Variants in PCOLCE2 observed in about 807,000 individuals in gnomAD.
PCOLCE2 encodes procollagen C-endopeptidase enhancer 2, also known as procollagen C-proteinase enhancer 2.
PCOLCE2 carries 42 observed loss-of-function variants against 47.0 expected under a neutral mutation model. The ratio of observed to expected loss-of-function variants is 0.89; its 90% CI spans 0.70 to 1.16. PCOLCE2 has a LOEUF of 1.16. Among genes scored for constraint, PCOLCE2 ranks in the 50% most tolerant of loss-of-function variants. The pLI, the probability that PCOLCE2 is intolerant of heterozygous loss-of-function variation, is 0.00. For missense variants in PCOLCE2, 500 were observed against 526.1 expected (o/e 0.95, Z 0.49); for synonymous variants, 169 against 191.7 (o/e 0.88, Z 0.98).
intron 2 of PCOLCE2, among the ~76,000 whole-genome samples, chr3:142,876,246 AATAAGT>A (rs1933495890): frequency 1.3e-5 from 2 of 152,228 alleles, no homozygotes; most frequent in South Asian, 2.1e-4. Flanking sequence ...ATAAGTGTTC[AATAAGT>A]ATAATATTTC....
intron 5 of PCOLCE2, among the ~76,000 whole-genome samples, chr3:142,833,007 C>A (rs1302164086): frequency 1.3e-5 from 2 of 152,208 alleles, no homozygotes; most frequent in African/African-American, 4.8e-5. Flanking sequence ...TAGCCGCCGC[C>A]AGGGCTGCCC....
At chr3:142,856,936 G>A (rs1173756866) in intron 2 of PCOLCE2, among the ~76,000 whole-genome samples, 2 of 149,814 alleles carry the variant, frequency 1.3e-5, no homozygotes, top group East Asian at 3.9e-4. Flanking sequence ...AGGGTTTACA[G>A]CAAAAATTTT....
chr3:142,865,096 C>A (rs1302777844), intron 2 of PCOLCE2, among the ~76,000 whole-genome samples: 1 of 151,852 alleles, frequency 6.6e-6, no homozygotes, highest in Non-Finnish European at 1.5e-5. Context: ...TACATTCCTA[C>A]CAGCAGTGTA....
chr3:142,845,952 T>C (rs144194311), intron 3 of PCOLCE2, among the ~76,000 whole-genome samples: 6 of 152,042 alleles, frequency 3.9e-5, no homozygotes, highest in African/African-American at 9.7e-5. Context: ...TCCAGCCTGG[T>C]CAACAAGAGT....
rs191009382 is a variant in PCOLCE2 at position 142,824,125 on chromosome 3, C to T, written c.866-510G>A. On this transcript the variant is annotated intron_variant, in intron 6 of 8. Transcript: ENST00000295992. ...TGTTACATCTGTAATTAGATGCAAC[C>T]CATCACTAAATATTTATTTTGAGCC... is the stretch of plus-strand genomic sequence containing the variant. 4.2e-3 allele frequency among the ~76,000 whole-genome samples: 634 copies of T among 152,164 alleles called. 6 individuals are homozygous for T. The highest frequency in any genetic ancestry group is 0.015 in the African/African-American group (610 of 41,504).
At chr3:142,839,576 G>A (rs1255596059) in intron 4 of PCOLCE2, among the ~76,000 whole-genome samples, 1 of 152,136 alleles carries the variant, frequency 6.6e-6, no homozygotes, top group African/African-American at 2.4e-5. Context: ...GCCTCCCAAA[G>A]TGCTGGGATT....
At chr3:142,843,447 T>C (rs865790493) in intron 3 of PCOLCE2, 1 of 359,776 alleles carries the variant, frequency 2.8e-6, no homozygotes, top group Middle Eastern at 5.3e-4. Context: ...AATTAGTTGA[T>C]ATAGACAGCT....
In PCOLCE2 at chr3:142,842,199, T is replaced by G. The variant is rs917339430; in HGVS notation, c.573+725A>C. ...GAGGCAAAGCATCCACACTTTTTTA[T>G]TTAGTCACTAGAATAACTATTATCA... is the stretch of plus-strand genomic sequence containing the variant. On this transcript the variant is annotated intron_variant, in intron 4 of 8. Coordinates refer to ENST00000295992, the MANE Select transcript of PCOLCE2 (RefSeq NM_013363.4). The surrounding 1 kb of genome is among the most constrained non-coding windows in gnomAD (Gnocchi z 4.1). Among the ~76,000 whole-genome samples the G allele has an allele frequency of 6.6e-6, 1 of 152,188 alleles. No homozygotes were observed. The highest frequency in any genetic ancestry group is 1.5e-5 in the Non-Finnish European group (1 of 68,030).
chr3:142,852,599 A>C (rs780814545), intron 2 of PCOLCE2, among the ~76,000 whole-genome samples: 63 of 151,380 alleles, frequency 4.2e-4, no homozygotes, highest in Non-Finnish European at 6.6e-4. Flanking sequence ...CTTCCTCAGA[A>C]GCAACCACTG....
chr3:142,856,423 C>T (rs1352693201), intron 2 of PCOLCE2, among the ~76,000 whole-genome samples: 1 of 152,182 alleles, frequency 6.6e-6, no homozygotes, highest in Non-Finnish European at 1.5e-5. Context: ...TGAATGAAGA[C>T]TTGGCTACAA....
At chr3:142,847,305 C>T (rs1937337699) in intron 3 of PCOLCE2, among the ~76,000 whole-genome samples, 1 of 152,136 alleles carries the variant, frequency 6.6e-6, no homozygotes, top group Non-Finnish European at 1.5e-5. Context: ...TTCTGTAACT[C>T]CCTGCCTGGA....
intron 2 of PCOLCE2, among the ~76,000 whole-genome samples, chr3:142,857,683 G>A (rs1304522576): frequency 6.6e-6 from 1 of 152,164 alleles, no homozygotes. Context: ...GTGGACACAG[G>A]GCCACCCTGG....
At chr3:142,865,354 T>A (rs1228907719) in intron 2 of PCOLCE2, among the ~76,000 whole-genome samples, 2 of 152,170 alleles carry the variant, frequency 1.3e-5, no homozygotes, top group African/African-American at 4.8e-5. Flanking sequence ...AAAGTACTTT[T>A]AAAATACAAA....
chr3:142,831,013 G>A (rs1158309229), intron 5 of PCOLCE2, among the ~76,000 whole-genome samples: 2 of 152,204 alleles, frequency 1.3e-5, no homozygotes, highest in African/African-American at 4.8e-5. Context: ...AAAACTGCGT[G>A]ATCTTTTCCG....
intron 2 of PCOLCE2, among the ~76,000 whole-genome samples, chr3:142,881,525 A>AGTG (rs970364391): frequency 6.6e-6 from 1 of 152,186 alleles, no homozygotes; most frequent in Non-Finnish European, 1.5e-5. Flanking sequence ...AATATCACAG[A>AGTG]GTGCATTTAT....
At chr3:142,841,421 T>C (rs953983264) in intron 4 of PCOLCE2, among the ~76,000 whole-genome samples, 4 of 152,228 alleles carry the variant, frequency 2.6e-5, no homozygotes, top group African/African-American at 9.7e-5. Context: ...AAGAGATGCT[T>C]AACTGTAATC....
At chr3:142,874,035 C>T (rs1381959162) in intron 2 of PCOLCE2, among the ~76,000 whole-genome samples, 1 of 152,098 alleles carries the variant, frequency 6.6e-6, no homozygotes, top group Non-Finnish European at 1.5e-5. Context: ...CCATGCTGTT[C>T]TCATGAAAGT....
At chr3:142,848,595 T>C (rs1937355768) in intron 2 of PCOLCE2, 123 bp from the exon 3 acceptor site, 2 of 859,802 alleles carry the variant, frequency 2.3e-6, no homozygotes, top group South Asian at 4.0e-5. Flanking sequence ...CTCTCTCATA[T>C]CTGAACTAAC....
intron 2 of PCOLCE2, among the ~76,000 whole-genome samples, chr3:142,884,612 TA>T (rs1464505808): frequency 1.3e-5 from 2 of 152,132 alleles, no homozygotes; most frequent in South Asian, 4.1e-4. Context: ...ACAGTAAAAG[TA>T]AAAAACCTAA....
Sources: gnomAD v4.1 joint callset for allele counts (sites outside exome capture counted in the v4.1 genomes callset) on GRCh38, gnomAD v4.1.1 for gene constraint, Gnocchi (gnomAD v3.1) non-coding constraint, MANE v1.5 for transcripts, NCBI Gene and HGNC (gene_info 2026-07-23, HGNC 2026-07-21) for gene names.